Variants in CES5A observed in about 807,000 individuals in gnomAD.
The protein encoded by CES5A is carboxylesterase 5A.
A neutral mutation model predicts 62.9 loss-of-function variants in CES5A; 67 were observed. That is an observed-to-expected ratio of 1.07 (90% CI 0.88 to 1.31). CES5A has a LOEUF of 1.31. Ranked by LOEUF, CES5A falls within the 50% of genes most tolerant of loss-of-function variation. The pLI is 0.00. For missense variants in CES5A, 748 were observed against 708.5 expected (o/e 1.06, Z -0.63); for synonymous variants, 296 against 280.8 (o/e 1.05, Z -0.54).
intron 1 of CES5A, among the ~76,000 whole-genome samples, chr16:55,900,576 C>T (rs1465818078): frequency 1.3e-5 from 2 of 152,170 alleles, no homozygotes; most frequent in Non-Finnish European, 2.9e-5. Flanking sequence ...AATGAAATTG[C>T]AATGCCACAG....
At chr16:55,864,741 A>T (rs571030547) in intron 5 of CES5A, among the ~76,000 whole-genome samples, 56 of 152,228 alleles carry the variant, frequency 3.7e-4, no homozygotes, top group Admixed American at 2.0e-3. Flanking sequence ...AAAAAATTTT[A>T]AAAAATAAAA....
intron 1 of CES5A, among the ~76,000 whole-genome samples, chr16:55,886,183 C>T (rs953978458): frequency 7.2e-5 from 11 of 152,296 alleles, no homozygotes; most frequent in Admixed American, 5.9e-4. Context: ...GAAAAACATC[C>T]TCCTGGTGTC....
chr16:55,861,586 T>C (rs375162516), intron 6 of CES5A, 70 bp from the exon 7 acceptor site: 5 of 1,130,086 alleles, frequency 4.4e-6, no homozygotes, highest in Admixed American at 3.7e-5. Flanking sequence ...AGCTTGAAAA[T>C]GCCCTCCAAT....
intron 1 of CES5A, among the ~76,000 whole-genome samples, chr16:55,918,434 C>A (rs902030655): frequency 1.3e-5 from 2 of 152,182 alleles, no homozygotes; most frequent in African/African-American, 4.8e-5. Flanking sequence ...CCCAGAGAGG[C>A]CTTTCCTGGA....
intron 1 of CES5A, among the ~76,000 whole-genome samples, chr16:55,909,483 G>A (rs922787104): frequency 1.3e-5 from 2 of 152,188 alleles, no homozygotes; most frequent in Non-Finnish European, 2.9e-5. Context: ...AGAACACAGA[G>A]AGGTGGCAGA....
At chr16:55,945,592 C>T (rs6416768) in intron 2 of CES5A, among the ~76,000 whole-genome samples, 41,275 of 152,176 alleles carry the variant, frequency 0.27, 6,092 homozygotes, top group Non-Finnish European at 0.33. Context: ...GCACTAACCC[C>T]TCCTTGGGAC....
At chr16:55,881,366 G>A (rs2033759793) in intron 1 of CES5A, among the ~76,000 whole-genome samples, 1 of 152,192 alleles carries the variant, frequency 6.6e-6, no homozygotes, top group Admixed American at 6.5e-5. Context: ...GTCCTGATAG[G>A]AACAGAGAAA....
intron 1 of CES5A, among the ~76,000 whole-genome samples, chr16:55,895,376 G>A (rs1338567580): frequency 1.3e-5 from 2 of 152,214 alleles, no homozygotes; most frequent in Non-Finnish European, 2.9e-5. Context: ...ATCCACGGGG[G>A]GCAGTACTGC....
At chr16:55,851,380 AT>A (rs2033130396) in intron 10 of CES5A, among the ~76,000 whole-genome samples, 1 of 152,240 alleles carries the variant, frequency 6.6e-6, no homozygotes, top group Non-Finnish European at 1.5e-5. Context: ...CAATAAGCAC[AT>A]GAAAAGATGC....
At chr16:55,866,474 A>C (rs1415890469) in intron 4 of CES5A, among the ~76,000 whole-genome samples, 1 of 152,008 alleles carries the variant, frequency 6.6e-6, no homozygotes, top group Admixed American at 6.6e-5. Flanking sequence ...ACTAGAAAGC[A>C]AGAAGTTTCC....
intron 2 of CES5A, among the ~76,000 whole-genome samples, chr16:55,945,375 T>A (rs2034483778): frequency 6.6e-6 from 1 of 152,236 alleles, no homozygotes; most frequent in Non-Finnish European, 1.5e-5. Context: ...ACCTGGTCTG[T>A]CTGACTCCAG....
At chr16:55,911,667 T>G (rs1281747500) in intron 1 of CES5A, among the ~76,000 whole-genome samples, 1 of 152,226 alleles carries the variant, frequency 6.6e-6, no homozygotes, top group Non-Finnish European at 1.5e-5. Flanking sequence ...TATTCTGTTT[T>G]TTATTCCCAT....
At chr16:55,903,353 T>G (rs1465016202) in intron 1 of CES5A, among the ~76,000 whole-genome samples, 1 of 152,232 alleles carries the variant, frequency 6.6e-6, no homozygotes, top group African/African-American at 2.4e-5. Flanking sequence ...CAATATTTGT[T>G]TTTAACAAAC....
At chr16:55,921,209 G>GA (rs2034200807) in intron 1 of CES5A, among the ~76,000 whole-genome samples, 1 of 152,028 alleles carries the variant, frequency 6.6e-6, no homozygotes, top group Non-Finnish European at 1.5e-5. Context: ...TACTCAAAGA[G>GA]AAAAAACTTC....
intron 2 of CES5A, among the ~76,000 whole-genome samples, chr16:55,873,187 C>G (rs912349528): frequency 6.6e-6 from 1 of 152,144 alleles, no homozygotes; most frequent in African/African-American, 2.4e-5. Context: ...TCTCACCTCA[C>G]CCCTCCACAA....
At chr16:55,924,268 A>T (rs1458261099) in intron 1 of CES5A, among the ~76,000 whole-genome samples, 1 of 152,032 alleles carries the variant, frequency 6.6e-6, no homozygotes, top group Admixed American at 6.6e-5. Context: ...GCAATTAAAT[A>T]TGCCAATAGC....
intron 2 of CES5A, among the ~76,000 whole-genome samples, chr16:55,932,833 G>A (rs2034328911): frequency 6.6e-6 from 1 of 152,232 alleles, no homozygotes; most frequent in Admixed American, 6.5e-5. Context: ...GCAACAGGAA[G>A]CCATTGAAGA....
intron 2 of CES5A, among the ~76,000 whole-genome samples, chr16:55,938,818 A>T (rs1400745315): frequency 8.4e-6 from 1 of 118,420 alleles, no homozygotes; most frequent in East Asian, 2.1e-4. Context: ...ATATATATAC[A>T]CACACATATA....
intron 2 of CES5A, among the ~76,000 whole-genome samples, chr16:55,942,785 T>C (rs139246250): frequency 2.6e-5 from 4 of 152,322 alleles, no homozygotes; most frequent in Admixed American, 6.5e-5. Flanking sequence ...ATGTTTTCCA[T>C]AGTAAAATAG....
Sources: gnomAD v4.1 joint callset for allele counts (sites outside exome capture counted in the v4.1 genomes callset) on GRCh38, gnomAD v4.1.1 for gene constraint, MANE v1.5 for transcripts, NCBI Gene and HGNC (gene_info 2026-07-23, HGNC 2026-07-21) for gene names.